MAP4K5: variants seen among roughly 807,000 people sequenced by gnomAD.
MAP4K5 encodes the protein mitogen-activated protein kinase kinase kinase kinase 5.
Under a neutral mutation model 135.6 loss-of-function variants are expected in MAP4K5, and 82 were observed. That is an observed-to-expected ratio of 0.60 (90% confidence interval 0.51 to 0.73). The LOEUF (loss-of-function observed/expected upper bound fraction) is 0.73, where lower values mean the gene tolerates loss of function less well. Among genes scored for constraint, MAP4K5 ranks in the 30% least tolerant of loss-of-function variants. MAP4K5 has a pLI of 0.00. For missense variants in MAP4K5, 907 were observed against 1,010.9 expected (o/e 0.90, Z 1.39); for synonymous variants, 347 against 335.0 (o/e 1.04, Z -0.39).
At chr14:50,555,152 A>G (rs987519643) in intron 1 of MAP4K5, among the ~76,000 whole-genome samples, 6 of 152,222 alleles carry the variant, frequency 3.9e-5, no homozygotes, top group African/African-American at 1.4e-4. Context: ...ACCCTTCTGT[A>G]TGGCTAGAAT....
At chr14:50,455,590 T>C (rs2036580890) in intron 14 of MAP4K5, among the ~76,000 whole-genome samples, 1 of 152,026 alleles carries the variant, frequency 6.6e-6, no homozygotes. Flanking sequence ...AAGGGAAAGA[T>C]ACTCTAACTC....
At chr14:50,470,927 A>T (rs2036946467) in intron 9 of MAP4K5, among the ~76,000 whole-genome samples, 1 of 152,214 alleles carries the variant, frequency 6.6e-6, no homozygotes, top group African/African-American at 2.4e-5. Flanking sequence ...AGAATAAAGA[A>T]GATAAATATT....
At chr14:50,428,987 T>G (rs1421743877) in intron 29 of MAP4K5, among the ~76,000 whole-genome samples, 1 of 152,208 alleles carries the variant, frequency 6.6e-6, no homozygotes, top group Non-Finnish European at 1.5e-5. Context: ...ACACTCTCAT[T>G]TTTAAAAATG....
intron 1 of MAP4K5, among the ~76,000 whole-genome samples, chr14:50,545,103 T>C (rs974968288): frequency 1.3e-5 from 2 of 152,118 alleles, no homozygotes; most frequent in African/African-American, 2.4e-5. Context: ...CCAAACATCA[T>C]GGAGAGTATC....
chr14:50,532,760 C>T (rs760912831), upstream of MAP4K5: 1 of 152,796 alleles, frequency 6.5e-6, no homozygotes, highest in African/African-American at 2.4e-5. Context: ...CCCCCCTAGC[C>T]GGGCGCGTCC....
At chr14:50,444,097 T>A in intron 18 of MAP4K5, 61 bp from the exon 19 acceptor site, 2 of 1,116,292 alleles carry the variant, frequency 1.8e-6, no homozygotes, top group Non-Finnish European at 2.7e-6. Context: ...CTTGAAAAAT[T>A]ATTTCCCCTT....
chr14:50,530,278 C>T (rs530031739), intron 2 of MAP4K5, among the ~76,000 whole-genome samples: 1 of 152,224 alleles, frequency 6.6e-6, no homozygotes, highest in East Asian at 1.9e-4. Flanking sequence ...GCATTAGCTG[C>T]CCCTTAAATA....
chr14:50,527,970 T>C (rs1469471781), intron 2 of MAP4K5, among the ~76,000 whole-genome samples: 1 of 152,188 alleles, frequency 6.6e-6, no homozygotes, highest in Non-Finnish European at 1.5e-5. Context: ...TTATGAACTG[T>C]ATCATGATGC....
At chr14:50,483,380 G>A (rs919414081) in intron 5 of MAP4K5, among the ~76,000 whole-genome samples, 2 of 152,086 alleles carry the variant, frequency 1.3e-5, no homozygotes, top group African/African-American at 4.8e-5. Flanking sequence ...GGTGGTATCT[G>A]CTGACAGCGA....
intron 1 of MAP4K5, among the ~76,000 whole-genome samples, chr14:50,557,950 T>C (rs1489278078): frequency 6.6e-6 from 1 of 152,148 alleles, no homozygotes; most frequent in Non-Finnish European, 1.5e-5. Context: ...AAAGGGACAA[T>C]GTTAAAAGGA....
At chr14:50,491,326 T>C (rs996814483) in intron 3 of MAP4K5, among the ~76,000 whole-genome samples, 66 of 144,124 alleles carry the variant, frequency 4.6e-4, no homozygotes, top group African/African-American at 1.4e-3. Flanking sequence ...TTATCTCTCT[T>C]TTTTTTTTTT....
At chr14:50,475,008 G>T in intron 9 of MAP4K5, 69 bp downstream of exon 9, 2 of 1,245,344 alleles carry the variant, frequency 1.6e-6, no homozygotes, top group Non-Finnish European at 2.4e-6. Context: ...CTATTACCAA[G>T]TATCGAGGTT....
chr14:50,442,468 C>T (rs576565768), intron 21 of MAP4K5, among the ~76,000 whole-genome samples: 6 of 152,112 alleles, frequency 3.9e-5, no homozygotes, highest in South Asian at 2.1e-4. Flanking sequence ...CGTCCTTTTA[C>T]GGTAAAAGAA....
At chr14:50,433,068 C>G (rs1179525354) in intron 28 of MAP4K5, among the ~76,000 whole-genome samples, 1 of 152,132 alleles carries the variant, frequency 6.6e-6, no homozygotes, top group Non-Finnish European at 1.5e-5. Context: ...AACTCCTGAC[C>G]TCAGGTGATC....
chr14:50,456,452 C>T, intron 14 of MAP4K5, 64 bp downstream of exon 14: 8 of 1,171,414 alleles, frequency 6.8e-6, no homozygotes, highest in Non-Finnish European at 1.0e-5. Flanking sequence ...TTCTACAAAA[C>T]ATACAAGAAC....
intron 6 of MAP4K5, 70 bp downstream of exon 6, chr14:50,482,291 G>A (rs910749553): frequency 1.1e-5 from 9 of 847,420 alleles, no homozygotes; most frequent in Middle Eastern, 3.3e-4. Flanking sequence ...TCAGGCAATT[G>A]CCTTTCTAAC....
chr14:50,446,950 T>C lies in MAP4K5; in HGVS notation c.1142+464A>G, dbSNP rs56337115. ...ACCATTAAAAATGTATTTACTATTC[T>C]TAGTTTGTGGGCTGCCATAGTTTGT... is the stretch of plus-strand genomic sequence containing the variant. On this transcript the variant is annotated intron_variant, in intron 16 of 32. Transcript: ENST00000682126. Among the ~76,000 whole-genome samples, 172 of 152,340 alleles carry C rather than the reference T, an allele frequency of 1.1e-3. 4 individuals carry two copies. The South Asian group carries it at 0.013, about 12-fold the overall frequency.
At chr14:50,485,328 T>G (rs1179748602) in intron 5 of MAP4K5, among the ~76,000 whole-genome samples, 1 of 152,122 alleles carries the variant, frequency 6.6e-6, no homozygotes, top group Non-Finnish European at 1.5e-5. Context: ...GATAAAACAC[T>G]TTCCTAGAGA....
At chr14:50,496,804 C>T (rs2037604664) in intron 3 of MAP4K5, among the ~76,000 whole-genome samples, 1 of 151,122 alleles carries the variant, frequency 6.6e-6, no homozygotes, top group Admixed American at 6.6e-5. Flanking sequence ...TGAACCACCG[C>T]TCCCAGACCA....
Sources: allele counts gnomAD v4.1 joint callset (sites outside exome capture counted in the v4.1 genomes callset), GRCh38; gene constraint gnomAD v4.1.1; transcripts MANE v1.5; gene names NCBI Gene and HGNC (gene_info 2026-07-23, HGNC 2026-07-21).